ADGRL2: variants seen among roughly 807,000 people sequenced by gnomAD.
ADGRL2 encodes adhesion G protein-coupled receptor L2.
A neutral mutation model predicts 157.4 loss-of-function variants in ADGRL2; 44 were observed. That is an observed-to-expected ratio of 0.28 (90% confidence interval 0.22 to 0.36). The LOEUF is 0.36. Among genes scored for constraint, ADGRL2 ranks in the 10% least tolerant of loss-of-function variants. ADGRL2 has a pLI of 1.00. For synonymous variants in ADGRL2, 585 were observed against 624.7 expected (o/e 0.94, Z 0.95); for missense variants, 1,510 against 1,768.9 (o/e 0.85, Z 2.63).
At chr1:81,362,261 C>A (rs560833363) in intron 1 of ADGRL2, among the ~76,000 whole-genome samples, 1 of 151,762 alleles carries the variant, frequency 6.6e-6, no homozygotes, top group Non-Finnish European at 1.5e-5. Flanking sequence ...TATCCCTCTG[C>A]GTCCTCTCTC....
chr1:81,498,957 C>T (rs2078786361), intron 2 of ADGRL2, among the ~76,000 whole-genome samples: 1 of 152,182 alleles, frequency 6.6e-6, no homozygotes, highest in African/African-American at 2.4e-5. Context: ...TCAAAAATAG[C>T]TTCAGGCAGA....
At chr1:81,432,962 G>C (rs2077348383) in intron 1 of ADGRL2, among the ~76,000 whole-genome samples, 1 of 152,104 alleles carries the variant, frequency 6.6e-6, no homozygotes. Context: ...AGTGTCTGTG[G>C]AAATATGTAC....
At chr1:81,428,569 C>T (rs915023214) in intron 1 of ADGRL2, among the ~76,000 whole-genome samples, 1 of 152,058 alleles carries the variant, frequency 6.6e-6, no homozygotes, top group African/African-American at 2.4e-5. Context: ...TTAAAGGCCC[C>T]CATTCATAAG....
chr1:81,905,258 C>G (rs569888358), intron 2 of ADGRL2, among the ~76,000 whole-genome samples: 1 of 151,968 alleles, frequency 6.6e-6, no homozygotes, highest in African/African-American at 2.4e-5. Flanking sequence ...CCACCACACC[C>G]GGCTAGTTTT....
chr1:81,865,516 A>C (rs191622391), intron 2 of ADGRL2, among the ~76,000 whole-genome samples: 10 of 152,320 alleles, frequency 6.6e-5, no homozygotes, highest in Non-Finnish European at 1.2e-4. Flanking sequence ...CTATTCTAGA[A>C]AGAAAAATTG....
chr1:81,969,561 T>C (rs1458335725), intron 15 of ADGRL2, among the ~76,000 whole-genome samples, 174 bp downstream of exon 15: 1 of 152,210 alleles, frequency 6.6e-6, no homozygotes, highest in Non-Finnish European at 1.5e-5. Context: ...TTAAGTAATA[T>C]TATGAACTAA....
In ADGRL2 at chr1:81,990,596, G is replaced by T; in HGVS notation, c.3861G>T (p.Lys1287Asn). Reference sequence around the variant, plus strand: ...ACAACAACTTACGGGGCAGCAGCAAGACTCACAACCTCGAGCTCACGCTAC... The same window carrying T: ...ACAACAACTTACGGGGCAGCAGCAATACTCACAACCTCGAGCTCACGCTAC... Reference protein sequence around the residue: ...LVHNNLRGSSKTHNLELTLPV... With the variant: ...LVHNNLRGSSNTHNLELTLPV... The change falls in exon 24 of 24, where the codon AAG becomes AAT. Residue 1287 changes from lysine (K) to asparagine (N), a missense_variant. Around this residue, in one of 4 missense-constraint regions of ADGRL2, gnomAD observed 327 missense variants for 310.1 expected, o/e 1.05. Transcript: ENST00000686636. 1 of 1,614,174 alleles carries T rather than the reference G, an allele frequency of 6.2e-7. No individual in the cohort carries two copies. The highest frequency in any genetic ancestry group is 8.5e-7 in the Non-Finnish European group (1 of 1,180,032).
chr1:81,367,741 G>A (rs925171930), intron 1 of ADGRL2, among the ~76,000 whole-genome samples: 1 of 152,028 alleles, frequency 6.6e-6, no homozygotes, highest in Non-Finnish European at 1.5e-5. Context: ...TAGTAGAGAT[G>A]GAGTTTCACC....
intron 1 of ADGRL2, among the ~76,000 whole-genome samples, chr1:81,417,819 T>A (rs1033586663): frequency 6.6e-6 from 1 of 152,218 alleles, no homozygotes; most frequent in Non-Finnish European, 1.5e-5. Context: ...TGGTGATTTT[T>A]AAAAAATATG....
At chr1:81,784,652 T>G (rs188710418) in intron 2 of ADGRL2, among the ~76,000 whole-genome samples, 4 of 147,028 alleles carry the variant, frequency 2.7e-5, no homozygotes, top group Non-Finnish European at 4.4e-5. Context: ...CACTTGAACC[T>G]GGGAGGTGCA....
At chr1:81,948,272 A>G (rs1162479867) in intron 6 of ADGRL2, among the ~76,000 whole-genome samples, 1 of 152,124 alleles carries the variant, frequency 6.6e-6, no homozygotes, top group African/African-American at 2.4e-5. Context: ...TATCAAAAAA[A>G]AAAACAATGG....
At chr1:81,452,281 G>A (rs774927661) in intron 2 of ADGRL2, among the ~76,000 whole-genome samples, 21 of 151,882 alleles carry the variant, frequency 1.4e-4, no homozygotes, top group East Asian at 7.7e-4. Context: ...TGATTATTCC[G>A]CCCAGGTTTA....
At chr1:81,642,327 G>A (rs2082236987) in intron 3 of ADGRL2, among the ~76,000 whole-genome samples, 1 of 150,500 alleles carries the variant, frequency 6.6e-6, no homozygotes, top group Admixed American at 6.6e-5. Context: ...GAATGAGGCA[G>A]GAAAATCACT....
intron 2 of ADGRL2, among the ~76,000 whole-genome samples, chr1:81,873,954 A>G (rs1364237809): frequency 1.3e-5 from 2 of 152,174 alleles, no homozygotes; most frequent in Non-Finnish European, 2.9e-5. Flanking sequence ...TAGGTAAAAA[A>G]GATGGAGTGT....
At chr1:81,838,938 G>T (rs1452282768) in intron 2 of ADGRL2, among the ~76,000 whole-genome samples, 1 of 151,868 alleles carries the variant, frequency 6.6e-6, no homozygotes, top group Non-Finnish European at 1.5e-5. Flanking sequence ...ACTGCTAACT[G>T]CTAATTGTAA....
At chr1:81,463,607 T>C (rs1286712833) in intron 2 of ADGRL2, among the ~76,000 whole-genome samples, 4 of 152,176 alleles carry the variant, frequency 2.6e-5, no homozygotes, top group African/African-American at 4.8e-5. Context: ...TTTAAAGATG[T>C]TGGGAACAAT....
At chr1:81,936,171 A>C (rs530611813) in intron 3 of ADGRL2, among the ~76,000 whole-genome samples, 1 of 152,066 alleles carries the variant, frequency 6.6e-6, no homozygotes, top group African/African-American at 2.4e-5. Context: ...CTACTAGCTT[A>C]GTTTCTGGTA....
At chr1:81,606,449 T>C (rs1055009162) in intron 3 of ADGRL2, among the ~76,000 whole-genome samples, 14 of 151,860 alleles carry the variant, frequency 9.2e-5, no homozygotes, top group Admixed American at 3.9e-4. Flanking sequence ...ATGCACAAAG[T>C]AGACTACCAA....
At chr1:81,571,160 A>G (rs1164217449) in intron 2 of ADGRL2, among the ~76,000 whole-genome samples, 2 of 151,778 alleles carry the variant, frequency 1.3e-5, no homozygotes, top group Middle Eastern at 3.2e-3. Context: ...CCCTGTCTCT[A>G]CTATAAATAC....
Sources: allele counts gnomAD v4.1 joint callset (sites outside exome capture counted in the v4.1 genomes callset), GRCh38; gene constraint gnomAD v4.1.1; regional missense constraint gnomAD v4.1.1; transcripts MANE v1.5; gene names NCBI Gene and HGNC (gene_info 2026-07-23, HGNC 2026-07-21).